The following KCNQ3 variants were observed in gnomAD, a reference collection of about 807,000 sequenced individuals.
The protein encoded by KCNQ3 is potassium voltage-gated channel subfamily Q member 3.
In KCNQ3, 30 loss-of-function variants were observed where a neutral mutation model predicts 92.5. That is an observed-to-expected ratio of 0.32 (90% CI 0.24 to 0.44). KCNQ3 has a LOEUF of 0.44. Ranked by LOEUF, KCNQ3 falls within the 20% of genes least tolerant of loss-of-function variation. The pLI is 1.00. For missense variants in KCNQ3, 913 were observed against 1,140.3 expected (o/e 0.80, Z 2.87); for synonymous variants, 450 against 468.8 (o/e 0.96, Z 0.52).
At chr8:132,456,243 C>T (rs905183535) in intron 1 of KCNQ3, among the ~76,000 whole-genome samples, 4 of 152,300 alleles carry the variant, frequency 2.6e-5, no homozygotes, top group Admixed American at 2.6e-4. Flanking sequence ...CCCAATCCAA[C>T]CAAAGTGGCC....
At chr8:132,278,604 A>G (rs1368220603) in intron 1 of KCNQ3, among the ~76,000 whole-genome samples, 2 of 152,206 alleles carry the variant, frequency 1.3e-5, no homozygotes, top group South Asian at 2.1e-4. Context: ...AGTTAGTGAT[A>G]AGAACAAGAT....
At chr8:132,299,944 C>G (rs763222545) in intron 1 of KCNQ3, among the ~76,000 whole-genome samples, 2 of 152,234 alleles carry the variant, frequency 1.3e-5, no homozygotes, top group Non-Finnish European at 2.9e-5. Context: ...CTCTTCTCTG[C>G]TCTCTTAGAA....
At chr8:132,255,522 G>A (rs1815555679) in intron 1 of KCNQ3, among the ~76,000 whole-genome samples, 1 of 152,180 alleles carries the variant, frequency 6.6e-6, no homozygotes, top group Non-Finnish European at 1.5e-5. Context: ...CTTGTCTAGG[G>A]CTGGGCACAT....
intron 1 of KCNQ3, among the ~76,000 whole-genome samples, chr8:132,462,012 T>C (rs1822071769): frequency 6.6e-6 from 1 of 152,188 alleles, no homozygotes; most frequent in African/African-American, 2.4e-5. Context: ...CATTAAACTT[T>C]CACAACTACT....
chr8:132,430,761 G>A (rs1304064512), intron 1 of KCNQ3, among the ~76,000 whole-genome samples: 1 of 152,124 alleles, frequency 6.6e-6, no homozygotes, highest in African/African-American at 2.4e-5. Flanking sequence ...GACAGAAACG[G>A]GAAGATATTT....
chr8:132,187,760 T>TG (rs985246589), intron 1 of KCNQ3, among the ~76,000 whole-genome samples: 1 of 149,850 alleles, frequency 6.7e-6, no homozygotes, highest in African/African-American at 2.5e-5. Context: ...GTGGTAGTGA[T>TG]GATGGTGGTA....
intron 3 of KCNQ3, among the ~76,000 whole-genome samples, chr8:132,181,539 C>T (rs1247606510): frequency 1.3e-5 from 2 of 152,226 alleles, no homozygotes; most frequent in African/African-American, 2.4e-5. Flanking sequence ...GACCACGGAA[C>T]TATTTTTTGC....
intron 3 of KCNQ3, 145 bp from the exon 4 acceptor site, chr8:132,180,474 A>G: frequency 1.3e-6 from 1 of 799,706 alleles, no homozygotes; most frequent in Admixed American, 2.0e-5. Context: ...GAATCTTGCC[A>G]CCAACAACAC....
intron 1 of KCNQ3, among the ~76,000 whole-genome samples, chr8:132,269,472 C>A (rs1816086484): frequency 6.6e-6 from 1 of 152,130 alleles, no homozygotes; most frequent in Non-Finnish European, 1.5e-5. Context: ...AAAAGACTAT[C>A]TTTTCTCCAT....
chr8:132,426,676 T>C (rs1030459844), intron 1 of KCNQ3, among the ~76,000 whole-genome samples: 19 of 152,202 alleles, frequency 1.2e-4, no homozygotes, highest in African/African-American at 4.1e-4. Flanking sequence ...TGTATGAACT[T>C]TGCCATTCTC....
chr8:132,206,348 G>A (rs1263861533), intron 1 of KCNQ3, among the ~76,000 whole-genome samples: 3 of 152,138 alleles, frequency 2.0e-5, no homozygotes, highest in Non-Finnish European at 4.4e-5. Flanking sequence ...CATGTCCACT[G>A]ACAGACACCT....
At chr8:132,138,099 A>AG (rs1409968669) in intron 11 of KCNQ3, 83 bp from the exon 12 acceptor site, 1 of 1,502,322 alleles carries the variant, frequency 6.7e-7, no homozygotes, top group South Asian at 1.1e-5. Flanking sequence ...ACTCCAGGGC[A>AG]GGGGGAGAAA....
chr8:132,319,784 C>T (rs1177936026), intron 1 of KCNQ3, among the ~76,000 whole-genome samples: 4 of 152,180 alleles, frequency 2.6e-5, no homozygotes, highest in Non-Finnish European at 4.4e-5. Flanking sequence ...ATAGTCTGGC[C>T]TGTCAGTGTG....
At chr8:132,325,924 T>G (rs1818034043) in intron 1 of KCNQ3, among the ~76,000 whole-genome samples, 1 of 152,108 alleles carries the variant, frequency 6.6e-6, no homozygotes, top group South Asian at 2.1e-4. Flanking sequence ...ACTATTTAGG[T>G]CTGAGAAGAG....
intron 1 of KCNQ3, among the ~76,000 whole-genome samples, chr8:132,364,268 A>G (rs749448041): frequency 1.3e-5 from 2 of 152,218 alleles, no homozygotes; most frequent in Admixed American, 6.5e-5. Context: ...TGAAACATTT[A>G]AACTGTGAAT....
At chr8:132,333,007 G>A (rs1389185573) in intron 1 of KCNQ3, among the ~76,000 whole-genome samples, 1 of 148,194 alleles carries the variant, frequency 6.7e-6, no homozygotes, top group East Asian at 2.0e-4. Context: ...TGAGAGGATG[G>A]ATGAATGGAT....
chr8:132,471,030 T>A (rs1822288439), intron 1 of KCNQ3, among the ~76,000 whole-genome samples: 2 of 152,212 alleles, frequency 1.3e-5, no homozygotes. Context: ...TTTGTTCAGG[T>A]GGAGTCTGCC....
chr8:132,283,069 T>A (rs1816576470), intron 1 of KCNQ3, among the ~76,000 whole-genome samples: 1 of 143,036 alleles, frequency 7.0e-6, no homozygotes, highest in Admixed American at 7.3e-5. Context: ...AGAAAGGAGA[T>A]GAGGATCTCT....
chr8:132,187,855 A>ATAG (rs60036560), intron 1 of KCNQ3, among the ~76,000 whole-genome samples: 2 of 69,826 alleles, frequency 2.9e-5, no homozygotes, highest in Non-Finnish European at 5.9e-5. Context: ...GGTGGTAGTG[A>ATAG]TGGTGGTGGT....
Sources: allele counts gnomAD v4.1 joint callset (sites outside exome capture counted in the v4.1 genomes callset), GRCh38; gene constraint gnomAD v4.1.1; transcripts MANE v1.5; gene names NCBI Gene and HGNC (gene_info 2026-07-23, HGNC 2026-07-21).